Variants in PTPRA observed in about 807,000 individuals in gnomAD.
PTPRA encodes the protein protein tyrosine phosphatase receptor type A.
PTPRA carries 25 observed loss-of-function variants against 104.8 expected under a neutral mutation model. That is an observed-to-expected ratio of 0.24 (90% CI 0.17 to 0.33). The LOEUF is 0.33. Among genes scored for constraint, PTPRA ranks in the 10% least tolerant of loss-of-function variants. The probability of loss-of-function intolerance (pLI) is 1.00; values close to 1 mark genes in which losing one functional copy is unlikely to be tolerated. For missense variants in PTPRA, 765 were observed against 1,015.3 expected (o/e 0.75, Z 3.35); for synonymous variants, 323 against 368.9 (o/e 0.88, Z 1.43).
At chr20:2,995,337 T>C (rs577129925) in intron 9 of PTPRA, among the ~76,000 whole-genome samples, 19 of 152,318 alleles carry the variant, frequency 1.2e-4, no homozygotes, top group African/African-American at 4.6e-4. Flanking sequence ...AGGCTGGTCT[T>C]GAACTCCTGA....
chr20:2,971,770 A>G (rs2062197334), intron 5 of PTPRA, among the ~76,000 whole-genome samples: 1 of 152,196 alleles, frequency 6.6e-6, no homozygotes, highest in East Asian at 1.9e-4. Context: ...TTCAGGATCA[A>G]TGAGAAAGAT....
intron 9 of PTPRA, among the ~76,000 whole-genome samples, chr20:2,993,735 G>C (rs901048321): frequency 1.3e-5 from 2 of 152,216 alleles, no homozygotes; most frequent in Admixed American, 6.5e-5. Context: ...ACTGCTCTAG[G>C]AGCTTACATT....
chr20:2,908,139 C>G (rs1334208268), intron 1 of PTPRA, among the ~76,000 whole-genome samples: 1 of 152,088 alleles, frequency 6.6e-6, no homozygotes, highest in Non-Finnish European at 1.5e-5. Context: ...CTTACCTTCC[C>G]TCCTTGCTGT....
chr20:2,887,280 A>G (rs1158577135), intron 1 of PTPRA, among the ~76,000 whole-genome samples: 3 of 152,224 alleles, frequency 2.0e-5, no homozygotes, highest in Non-Finnish European at 4.4e-5. Flanking sequence ...TATAGGTATT[A>G]GTACCTGTGT....
intron 6 of PTPRA, among the ~76,000 whole-genome samples, chr20:2,975,817 G>A (rs1459855934): frequency 6.6e-6 from 1 of 152,190 alleles, no homozygotes; most frequent in Non-Finnish European, 1.5e-5. Context: ...TGACAGTAAG[G>A]CTGCTATCAA....
chr20:2,980,208 G>A (rs1023745473), intron 6 of PTPRA, among the ~76,000 whole-genome samples: 12 of 151,996 alleles, frequency 7.9e-5, no homozygotes, highest in Non-Finnish European at 1.8e-4. Context: ...CACCATGCCC[G>A]GCCAGTTTTT....
chr20:2,940,049 G>A (rs2060851258), intron 2 of PTPRA, among the ~76,000 whole-genome samples: 1 of 152,256 alleles, frequency 6.6e-6, no homozygotes, highest in Non-Finnish European at 1.5e-5. Context: ...GGTGGAGGTT[G>A]CAGTGAGCTG....
intron 9 of PTPRA, among the ~76,000 whole-genome samples, chr20:2,989,582 C>G (rs1213983819): frequency 2.0e-5 from 3 of 152,098 alleles, no homozygotes; most frequent in Admixed American, 1.3e-4. Flanking sequence ...AGGGCACACC[C>G]AGAACATGAC....
chr20:2,971,948 C>A (rs767240549), intron 5 of PTPRA, among the ~76,000 whole-genome samples: 1 of 152,120 alleles, frequency 6.6e-6, no homozygotes, highest in Non-Finnish European at 1.5e-5. Flanking sequence ...GATTCCCCTG[C>A]CTCAGCCTCC....
chr20:2,907,892 A>G (rs1253022473), intron 1 of PTPRA, among the ~76,000 whole-genome samples: 1 of 151,930 alleles, frequency 6.6e-6, no homozygotes, highest in Non-Finnish European at 1.5e-5. Context: ...AAAGGCTAAT[A>G]GTCTTTTTTT....
chr20:2,904,282 T>C (rs1164285405), intron 1 of PTPRA, among the ~76,000 whole-genome samples: 1 of 152,158 alleles, frequency 6.6e-6, no homozygotes, highest in Admixed American at 6.5e-5. Context: ...TTTTAAATGA[T>C]GCACAAATAG....
At chr20:2,978,114 C>A (rs1274240469) in intron 6 of PTPRA, among the ~76,000 whole-genome samples, 5 of 152,202 alleles carry the variant, frequency 3.3e-5, no homozygotes, top group African/African-American at 1.2e-4. Context: ...CAGAGGTGGC[C>A]TCAACAGAAT....
At chr20:2,910,361 T>TA (rs2059646015) in intron 1 of PTPRA, among the ~76,000 whole-genome samples, 1 of 85,724 alleles carries the variant, frequency 1.2e-5, no homozygotes, top group African/African-American at 4.8e-5. Context: ...ATATATTTTA[T>TA]ATATAATATA....
intron 5 of PTPRA, among the ~76,000 whole-genome samples, chr20:2,967,104 A>G (rs2061974430): frequency 2.0e-5 from 3 of 152,244 alleles, no homozygotes; most frequent in Non-Finnish European, 2.9e-5. Context: ...GACTGTATAT[A>G]GAGGTTAAAT....
intron 1 of PTPRA, among the ~76,000 whole-genome samples, chr20:2,877,108 T>A (rs1380548769): frequency 6.6e-6 from 1 of 152,202 alleles, no homozygotes; most frequent in Non-Finnish European, 1.5e-5. Flanking sequence ...GCATTATTTT[T>A]CTCCATTTTC....
the PTPRA span, chr20:2,864,302 G>T: frequency 6.2e-6 from 10 of 1,613,840 alleles, no homozygotes; most frequent in Non-Finnish European, 8.5e-6. This position sits in a 1 kb window ranked among gnomAD's most constrained non-coding sequence, Gnocchi z 5.2. Flanking sequence ...GGGCAAGGCT[G>T]GGGGGCCCCT....
At chr20:2,919,044 TTTTA>T (rs1338307782) in intron 1 of PTPRA, among the ~76,000 whole-genome samples, 1 of 152,168 alleles carries the variant, frequency 6.6e-6, no homozygotes, top group Non-Finnish European at 1.5e-5. Flanking sequence ...TAATACCTGT[TTTTA>T]TTCTGATCCT....
At chr20:2,914,882 C>G (rs1166604473) in intron 1 of PTPRA, among the ~76,000 whole-genome samples, 1 of 152,170 alleles carries the variant, frequency 6.6e-6, no homozygotes, top group Non-Finnish European at 1.5e-5. Flanking sequence ...ATTTGAGTCG[C>G]TATTGGGTAA....
chr20:2,958,568 C>T (rs2147873923), intron 3 of PTPRA, among the ~76,000 whole-genome samples: 1 of 146,604 alleles, frequency 6.8e-6, no homozygotes, highest in South Asian at 2.2e-4. Flanking sequence ...CACCTATAAT[C>T]CTAGCATTTT....
Sources: allele counts gnomAD v4.1 joint callset (sites outside exome capture counted in the v4.1 genomes callset), GRCh38; gene constraint gnomAD v4.1.1; non-coding constraint Gnocchi (gnomAD v3.1); transcripts MANE v1.5; gene names NCBI Gene and HGNC (gene_info 2026-07-23, HGNC 2026-07-21).